The following ZNF701 variants were observed in gnomAD, a reference collection of about 807,000 sequenced individuals.
ZNF701 encodes zinc finger protein 701.
A neutral mutation model predicts 7.1 loss-of-function variants in ZNF701; 6 were observed. The ratio of observed to expected loss-of-function variants is 0.84; its 90% CI spans 0.46 to 1.66. ZNF701 has a LOEUF of 1.66. Ranked by LOEUF, ZNF701 falls within the 40% of genes most tolerant of loss-of-function variation. ZNF701 has a pLI of 0.01. For synonymous variants in ZNF701, 166 were observed against 188.2 expected, an observed-to-expected ratio of 0.88 and a Z score of 0.97; for missense variants, 541 against 559.2, an observed-to-expected ratio of 0.97 and a Z score of 0.33.
rs1193372177 is a variant in ZNF701, at chr19:52,585,773, A to G, written c.*2316A>G. The G allele has an allele frequency of 3.5e-4, 53 of 152,264 alleles. 2 individuals carry two copies. Among genetic ancestry groups the G allele is most frequent in the Admixed American group, 3.4e-3 (52 of 15,294 alleles). The allele number at this position is 152,264 out of a possible 1,614,324, so 9.4% of individuals were successfully genotyped here. A position where few individuals can be genotyped will look rare whatever the true frequency, so the allele number is the denominator to read the frequency against. On this transcript the variant is annotated 3_prime_UTR_variant, in exon 4 of 4. Transcript: ENST00000391785. ...CCTTGGCCAAGGAAATAACTGAGGT[A>G]AATTGGCCTGAGGCCAGAGCAGATG...
At chr19:52,596,674 G>C in the ZNF701 span, 3 of 468,258 alleles carry the variant, frequency 6.4e-6, no homozygotes, top group Non-Finnish European at 1.3e-5. Flanking sequence ...CAACATCAGA[G>C]AGTTCATACT....
intron 3 of ZNF701, among the ~76,000 whole-genome samples, chr19:52,579,763 A>T (rs2059963306): frequency 7.3e-6 from 1 of 137,588 alleles, no homozygotes; most frequent in Non-Finnish European, 1.5e-5. Context: ...AATCCCAGCT[A>T]CTCAGGAGGC....
rs183770016 is a variant in ZNF701, at chr19:52,579,226, T to G, written c.143-2976T>G. ...TGGGAAGTGGTTATTGTTGCAGGTATGTTAAAGATCTTAAAGTTGGCCAGG... is the reference window on the plus strand; with the variant it reads ...TGGGAAGTGGTTATTGTTGCAGGTAGGTTAAAGATCTTAAAGTTGGCCAGG... On this transcript the variant is annotated intron_variant, in intron 3 of 3. Coordinates refer to ENST00000391785, the MANE Select transcript of ZNF701 (RefSeq NM_018260.3). Among the ~76,000 whole-genome samples, 145 of 142,940 alleles carry G rather than the reference T, an allele frequency of 1.0e-3. 5 individuals carry two copies. In the East Asian group the frequency reaches 0.023, roughly 23 times the overall value. 93.8% of individuals were successfully genotyped at this position (142,940 alleles called of 152,430 possible).
the ZNF701 span, chr19:52,597,200 C>T: frequency 3.5e-6 from 2 of 564,440 alleles, no homozygotes; most frequent in Admixed American, 1.9e-5. Context: ...GCAAGGTCTT[C>T]AGTCAAGCTT....
chr19:52,572,070 A>G lies in ZNF701; in HGVS notation c.-72+1740A>G, dbSNP rs568838751. 2.0e-5 allele frequency among the ~76,000 whole-genome samples: 3 copies of G among 151,296 alleles called. No homozygotes were observed. In the East Asian group the frequency reaches 5.8e-4, roughly 29 times the overall value. Reference sequence around the variant, plus strand: ...ACTCCTGACCTCAGGTGATCTGCCCACCTCGGCTTCCCAAAGTGCTGGGAT... The same window carrying G: ...ACTCCTGACCTCAGGTGATCTGCCCGCCTCGGCTTCCCAAAGTGCTGGGAT... On this transcript the variant is annotated intron_variant, in intron 1 of 3. Coordinates refer to ENST00000391785, the MANE Select transcript of ZNF701 (RefSeq NM_018260.3).
intron 1 of ZNF701, among the ~76,000 whole-genome samples, chr19:52,571,368 C>T (rs906626159): frequency 1.3e-5 from 2 of 151,234 alleles, no homozygotes; most frequent in Non-Finnish European, 2.9e-5. Flanking sequence ...AGAGTGGGGA[C>T]GGGGGGTAAA....
At chr19:52,578,147 G>A (rs1000623195) in intron 3 of ZNF701, among the ~76,000 whole-genome samples, 8 of 151,126 alleles carry the variant, frequency 5.3e-5, no homozygotes, top group East Asian at 2.0e-4. Flanking sequence ...CCAGCTACTC[G>A]GGAGGCTGAG....
At chr19:52,588,687 T>A (rs78271731), downstream of ZNF701, 1 of 275,238 alleles carries the variant, frequency 3.6e-6, no homozygotes, top group Non-Finnish European at 7.3e-6. Flanking sequence ...GTAGCCAGTC[T>A]TCTGTGATTC....
At chr19:52,573,460 C>T (rs577495421) in intron 1 of ZNF701, among the ~76,000 whole-genome samples, 2 of 152,196 alleles carry the variant, frequency 1.3e-5, no homozygotes, top group East Asian at 1.9e-4. Context: ...TGCTGTTGAA[C>T]TCCTGAACTT....
rs910987691 is a variant in ZNF701, at chr19:52,578,477, T to G, written c.142+2456T>G. Among the ~76,000 whole-genome samples the G allele has an allele frequency of 3.3e-5, 5 of 152,122 alleles. No homozygotes were observed. In the East Asian group the frequency reaches 9.7e-4, roughly 29 times the overall value. ...CACCCAGCTGTTTGGGGCCACTACC[T>G]GTCTCCGCGTCTTGATGGTAGTGGT... On this transcript the variant is annotated intron_variant, in intron 3 of 3. Transcript: ENST00000391785.
chr19:52,598,101 T>C, the ZNF701 span: 18,326 of 152,064 alleles, frequency 0.12, 1,216 homozygotes, highest in Middle Eastern at 0.17. Flanking sequence ...CCCGCCACCA[T>C]GCCTGGCTAA....
In ZNF701 at chr19:52,584,393, G is replaced by T; in HGVS notation, c.*936G>T. 1 of 156,222 alleles carries T rather than the reference G, an allele frequency of 6.4e-6. No individual in the cohort carries two copies. The allele number at this position is 156,222 out of a possible 1,614,324, so 9.7% of individuals were successfully genotyped here. A position where few individuals can be genotyped will look rare whatever the true frequency, so the allele number is the denominator to read the frequency against. ...ATCCAGCACTTTAGGAGCCCAAGGT[G>T]GATAGATCACTTGAGGTCATGAGTT... is the stretch of plus-strand genomic sequence containing the variant. On this transcript the variant is annotated 3_prime_UTR_variant, in exon 4 of 4. Transcript: ENST00000391785.
intron 3 of ZNF701, among the ~76,000 whole-genome samples, chr19:52,576,690 G>T (rs1366622249): frequency 6.6e-6 from 1 of 152,062 alleles, no homozygotes; most frequent in East Asian, 1.9e-4. Context: ...TCAGAAGGAG[G>T]CAGTCAGTGG....
downstream of ZNF701, among the ~76,000 whole-genome samples, chr19:52,590,712 C>A (rs2060033668): frequency 6.6e-6 from 1 of 152,076 alleles, no homozygotes; most frequent in South Asian, 2.1e-4. Flanking sequence ...CCCACCTCAG[C>A]CTGGCATGTA....
the ZNF701 span, chr19:52,592,283 T>A: frequency 3.4e-6 from 5 of 1,488,230 alleles, no homozygotes; most frequent in African/African-American, 5.6e-5. Flanking sequence ...ATCTTGGCTC[T>A]TCCTGGTTTT....
chr19:52,596,030 C>T, the ZNF701 span: 1 of 1,494,538 alleles, frequency 6.7e-7, no homozygotes, highest in South Asian at 1.1e-5. Context: ...GCTCAAAACC[C>T]ATATTTCTAT....
chr19:52,579,834 G>A (rs960957212), intron 3 of ZNF701, among the ~76,000 whole-genome samples: 1 of 139,056 alleles, frequency 7.2e-6, no homozygotes, highest in Non-Finnish European at 1.5e-5. Context: ...AGATCGCACC[G>A]TCGCACTCCA....
At chr19:52,593,454 A>T in the ZNF701 span, among the ~76,000 whole-genome samples, 2 of 112,660 alleles carry the variant, frequency 1.8e-5, no homozygotes, top group Non-Finnish European at 3.8e-5. Context: ...GGCCGGGCAG[A>T]GGGGCTCCTC....
At chr19:52,580,543 C>T (rs1600082276) in intron 3 of ZNF701, among the ~76,000 whole-genome samples, 2 of 152,146 alleles carry the variant, frequency 1.3e-5, no homozygotes, top group East Asian at 3.9e-4. Context: ...ATTCTTATTC[C>T]TTATAGTGCT....
Sources: gnomAD v4.1 joint callset for allele counts (sites outside exome capture counted in the v4.1 genomes callset) on GRCh38, gnomAD v4.1.1 for gene constraint, MANE v1.5 for transcripts, NCBI Gene and HGNC (gene_info 2026-07-23, HGNC 2026-07-21) for gene names.